The following BSN variants were observed in gnomAD, a reference collection of about 807,000 sequenced individuals.
BSN encodes the protein bassoon presynaptic cytomatrix protein.
BSN carries 57 observed loss-of-function variants against 264.8 expected under a neutral mutation model. That is an observed-to-expected ratio of 0.22 (90% confidence interval 0.17 to 0.27). BSN has a LOEUF of 0.27. BSN is among the 10% of genes least tolerant of loss of function. BSN has a pLI of 1.00. For synonymous variants in BSN, 2,059 were observed against 2,137.3 expected (o/e 0.96, Z 1.01); for missense variants, 4,615 against 5,232.5 (o/e 0.88, Z 3.64).
intron 8 of BSN, 84 bp downstream of exon 8, chr3:49,663,970 C>T (rs1312408921): frequency 1.5e-6 from 2 of 1,291,034 alleles, no homozygotes; most frequent in Admixed American, 4.0e-5. Context: ...CCTGAGCTCC[C>T]CCACACTGCA....
In BSN at chr3:49,643,087, T is replaced by G; in HGVS notation, c.1453T>G (p.Cys485Gly). The G allele has an allele frequency of 6.2e-7, 1 of 1,613,814 alleles. No homozygotes were observed. Among genetic ancestry groups the G allele is most frequent in the Non-Finnish European group, 8.5e-7 (1 of 1,179,980 alleles). Reference protein sequence around the residue: ...GSKSPANYNTCTTCRLQVCNL... With the variant: ...GSKSPANYNTGTTCRLQVCNL... ...CAAGAGCCCAGCCAACTATAACACATGCACCACCTGCAGGCTCCAGGTGTG... is the reference window on the plus strand; with the variant it reads ...CAAGAGCCCAGCCAACTATAACACAGGCACCACCTGCAGGCTCCAGGTGTG... Residue 485 changes from cysteine (C) to glycine (G), a missense_variant, in exon 3 of 12, where the codon TGC becomes GGC. By Grantham distance (159) the Cys-to-Gly change is radical (BLOSUM62 -3). This residue lies in a region of BSN where 1,197 missense variants were observed against 1,348.0 expected (regional missense o/e 0.89). Transcript: ENST00000296452.
At chr3:49,586,553 C>T (rs957382905) in intron 1 of BSN, among the ~76,000 whole-genome samples, 2 of 152,192 alleles carry the variant, frequency 1.3e-5, no homozygotes, top group African/African-American at 4.8e-5. Context: ...GTTGCCCAGG[C>T]TGGTCTTGAA....
chr3:49,612,906 G>C (rs2052219299), intron 1 of BSN, among the ~76,000 whole-genome samples: 1 of 152,204 alleles, frequency 6.6e-6, no homozygotes, highest in African/African-American at 2.4e-5. Context: ...GCCAAGGCAG[G>C]CAGATCACCT....
chr3:49,622,209 G>T (rs2052312221), intron 1 of BSN, among the ~76,000 whole-genome samples: 1 of 152,110 alleles, frequency 6.6e-6, no homozygotes. Flanking sequence ...TGGTCAGCAG[G>T]TCATCAGTGG....
chr3:49,569,787 A>C (rs1160209530), intron 1 of BSN, among the ~76,000 whole-genome samples: 1 of 152,182 alleles, frequency 6.6e-6, no homozygotes, highest in Admixed American at 6.5e-5. Flanking sequence ...GTCTCTCACT[A>C]TAGGAAAAGT....
rs1341293155 is a variant in BSN at position 49,654,523 on chromosome 3, C to G, written c.4967C>G (p.Pro1656Arg). ...SSVPGTSRVE[P>R]GPRTPGTAVV... ...GTCCCTGGGACGTCTAGGGTTGAGCCAGGCCCCAGGACCCCTGGCACTGCA... is the reference window on the plus strand; with the variant it reads ...GTCCCTGGGACGTCTAGGGTTGAGCGAGGCCCCAGGACCCCTGGCACTGCA... Residue 1656 changes from proline (P) to arginine (R), a missense_variant, in exon 5 of 12, where the codon CCA becomes CGA. Pro to Arg is a moderately radical substitution (Grantham distance 103, BLOSUM62 -2). Transcript: ENST00000296452. The surrounding 1 kb of genome is among the most constrained non-coding windows in gnomAD (Gnocchi z 4.1). 1 of 1,611,040 alleles carries G rather than the reference C, an allele frequency of 6.2e-7. No individual in the cohort carries two copies. Among genetic ancestry groups the G allele is most frequent in the Admixed American group, 1.7e-5 (1 of 59,840 alleles).
chr3:49,672,870 C>T (rs546211728), downstream of BSN, among the ~76,000 whole-genome samples: 13 of 149,788 alleles, frequency 8.7e-5, no homozygotes, highest in East Asian at 2.6e-3. Flanking sequence ...AGCTCCGCCT[C>T]CCGGGTTCAC....
rs961679446 is a variant in BSN, at chr3:49,610,603, A to C, written c.225-14372A>C. On this transcript the variant is annotated intron_variant, in intron 1 of 11. Transcript: ENST00000296452. ...TCATCTCAAAAAAAAAAAAAAAAAA[A>C]AAACAAGTAGGCCTGATTTCTGGAC... 3.3e-5 allele frequency among the ~76,000 whole-genome samples: 5 copies of C among 151,674 alleles called. 1 individual carries two copies. The highest frequency in any genetic ancestry group is 1.5e-5 in the Non-Finnish European group (1 of 67,906).
intron 1 of BSN, among the ~76,000 whole-genome samples, chr3:49,594,831 T>TA (rs2052008825): frequency 1.3e-5 from 2 of 152,174 alleles, no homozygotes; most frequent in Admixed American, 6.6e-5. Flanking sequence ...CCCATTTATT[T>TA]AGTTTTTTTA....
At chr3:49,584,040 ATTTTTATTTTTATTT>A (rs1257334021) in intron 1 of BSN, among the ~76,000 whole-genome samples, 2 of 151,708 alleles carry the variant, frequency 1.3e-5, no homozygotes, top group Admixed American at 6.6e-5. Flanking sequence ...TGCCCAGCTA[ATTTTTATTTTTATTT>A]TTTTTATTTT....
Position 49,661,619 on chromosome 3 carries a change from G to C in BSN, c.9774G>C (p.Gly3258=). ...ATAGCCAACGGCTGGAGCCCCTGGGGCCAGGCAGCAGTGGGCGTCCAGGGA... is the reference window on the plus strand; with the variant it reads ...ATAGCCAACGGCTGGAGCCCCTGGGCCCAGGCAGCAGTGGGCGTCCAGGGA... ...APDSQRLEPL[G]PGSSGRPGKE... The change falls in exon 6 of 12, where the codon GGG becomes GGC. Residue 3258 remains glycine, a synonymous_variant. Transcript: ENST00000296452. 1 of 1,613,632 alleles carries C rather than the reference G, an allele frequency of 6.2e-7. No homozygotes were observed. The highest frequency in any genetic ancestry group is 2.2e-5 in the East Asian group (1 of 44,894).
rs745708917 is a variant in BSN, at chr3:49,657,650, G to A, written c.8094G>A (p.Val2698=). Residue 2698 remains valine (V), a synonymous_variant, in exon 5 of 12, where the codon GTG becomes GTA. Coordinates refer to ENST00000296452, the MANE Select transcript of BSN (RefSeq NM_003458.4). ...TCACAGCTGCCACCGATCCCAAGGT[G>A]GAGATCGTCAGGTACATATCGGCGC... ...IHITAATDPK[V]EIVRYISAPE... is the part of the protein sequence containing the mutation. The A allele has an allele frequency of 1.3e-6, 2 of 1,591,910 alleles. No homozygotes were observed. Among genetic ancestry groups the A allele is most frequent in the South Asian group, 1.1e-5 (1 of 88,492 alleles).
In BSN at chr3:49,663,550, C is replaced by G; in HGVS notation, c.11392C>G (p.Arg3798Gly). 6.2e-7 allele frequency: 1 copy of G among 1,609,300 alleles called. No homozygotes were observed. Among genetic ancestry groups the G allele is most frequent in the Non-Finnish European group, 8.5e-7 (1 of 1,179,100 alleles). ...CCCACAGCAGGCTCTGACACAGGCT[C>G]GGCTGCAGCAACAGAGCCAGCCAAC... ...QPPQQALTQA[R>G]LQQQSQPTTR... The change falls in exon 7 of 12, where the codon CGG becomes GGG. Residue 3798 changes from arginine (R) to glycine (G), a missense_variant. Around this residue, in one of 3 missense-constraint regions of BSN, gnomAD observed 3,415 missense variants for 3,866.4 expected, o/e 0.88. Coordinates refer to ENST00000296452, the MANE Select transcript of BSN (RefSeq NM_003458.4).
At chr3:49,611,734 T>C (rs2052208164) in intron 1 of BSN, among the ~76,000 whole-genome samples, 1 of 152,250 alleles carries the variant, frequency 6.6e-6, no homozygotes, top group African/African-American at 2.4e-5. Flanking sequence ...CAGGAAGGTC[T>C]TAGTGCAGGA....
rs183056093 is a variant in BSN at position 49,640,120 on chromosome 3, T to C, written c.634-2148T>C. 1.7e-3 allele frequency among the ~76,000 whole-genome samples: 264 copies of C among 152,326 alleles called. 5 individuals carry two copies. Among genetic ancestry groups the C allele is most frequent in the Non-Finnish European group, 1.2e-4 (8 of 68,022 alleles). On this transcript the variant is annotated intron_variant, in intron 2 of 11. Transcript: ENST00000296452. ...CCCCTGGTGATGACTGGGTGGCCAA[T>C]AGGGTGCATTTAGAACCTCTGGCTG...
chr3:49,587,792 G>A (rs1263862115), intron 1 of BSN, among the ~76,000 whole-genome samples: 1 of 152,102 alleles, frequency 6.6e-6, no homozygotes, highest in Non-Finnish European at 1.5e-5. Flanking sequence ...GATTGGTTGC[G>A]GGAGAGGACC....
chr3:49,573,656 GGT>G (rs1559595084), intron 1 of BSN, among the ~76,000 whole-genome samples: 3 of 144,024 alleles, frequency 2.1e-5, no homozygotes, highest in Non-Finnish European at 1.5e-5. Flanking sequence ...CTTTCTCTCT[GGT>G]TTTTTTTTTT....
chr3:49,577,642 C>A (rs934989599), intron 1 of BSN, among the ~76,000 whole-genome samples: 1 of 151,808 alleles, frequency 6.6e-6, no homozygotes, highest in African/African-American at 2.4e-5. Context: ...CAGGTTAAAG[C>A]GATTCTCCTG....
Position 49,661,260 on chromosome 3 carries a change from C to T in BSN, c.9415C>T (p.Arg3139Cys), listed in dbSNP as rs769903799. Residue 3139 changes from arginine (R) to cysteine (C), a missense_variant, in exon 6 of 12, where the codon CGT becomes TGT. This residue lies in a region of BSN where 3,415 missense variants were observed against 3,866.4 expected (regional missense o/e 0.88). Coordinates refer to ENST00000296452, the MANE Select transcript of BSN (RefSeq NM_003458.4). ...CCTTTTTCCAGTCCCCGCTGATAGC[C>T]GTGCCCCACTGCAGAAGCCACGCCA... ...STLFPVPADS[R>C]APLQKPRQTS... 2.2e-5 allele frequency: 35 copies of T among 1,613,652 alleles called. No homozygotes were observed. Among genetic ancestry groups the T allele is most frequent in the Admixed American group, 5.0e-5 (3 of 60,004 alleles).
Sources: gnomAD v4.1 joint callset for allele counts (sites outside exome capture counted in the v4.1 genomes callset) on GRCh38, gnomAD v4.1.1 for gene constraint, gnomAD v4.1.1 regional missense constraint, Gnocchi (gnomAD v3.1) non-coding constraint, MANE v1.5 for transcripts, NCBI Gene and HGNC (gene_info 2026-07-23, HGNC 2026-07-21) for gene names.